Variants in ADAP2 observed in about 807,000 individuals in gnomAD.
The protein encoded by ADAP2 is arf-GAP with dual PH domain-containing protein 2.
A neutral mutation model predicts 54.9 loss-of-function variants in ADAP2; 42 were observed. That is an observed-to-expected ratio of 0.77 (90% CI 0.60 to 0.99). The LOEUF is 0.99. Among genes scored for constraint, ADAP2 ranks in the 50% least tolerant of loss-of-function variants. ADAP2 has a pLI of 0.00. For synonymous variants in ADAP2, 177 were observed against 180.1 expected (o/e 0.98, Z 0.14); for missense variants, 429 against 480.4 (o/e 0.89, Z 1.00).
chr17:30,943,848 A>AAAATAAAT (rs55789959), intron 5 of ADAP2, among the ~76,000 whole-genome samples: 18 of 136,866 alleles, frequency 1.3e-4, no homozygotes, highest in East Asian at 4.2e-4. Context: ...CTCTATCTCA[A>AAAATAAAT]AAATAAATAA....
chr17:30,949,766 A>AAAG (rs1555569449), intron 7 of ADAP2, among the ~76,000 whole-genome samples: 18 of 151,492 alleles, frequency 1.2e-4, no homozygotes, highest in African/African-American at 4.4e-4. Context: ...AAAAAAAAAA[A>AAAG]AAAGAAGAAG....
Position 30,951,271 on chromosome 17 carries a change from C to T in ADAP2, c.741+1901C>T, listed in dbSNP as rs147666558. ...TTCTAGGGCTATTGTGAGACTCCAGCGAGCCAAGGCATCAGAAGTACAGGA... is the reference window on the plus strand; with the variant it reads ...TTCTAGGGCTATTGTGAGACTCCAGTGAGCCAAGGCATCAGAAGTACAGGA... On this transcript the variant is annotated intron_variant, in intron 7 of 10. Transcript: ENST00000330889. Among the ~76,000 whole-genome samples, 8 of 152,226 alleles carry T rather than the reference C, an allele frequency of 5.3e-5. No homozygotes were observed. In the East Asian group the frequency reaches 5.8e-4, roughly 11 times the overall value.
At chr17:30,929,338 T>C (rs1911307891) in intron 3 of ADAP2, among the ~76,000 whole-genome samples, 1 of 152,232 alleles carries the variant, frequency 6.6e-6, no homozygotes, top group Admixed American at 6.5e-5. Flanking sequence ...GAATGCTACC[T>C]GTCCATGGCC....
chr17:30,942,765 A>T (rs1005402411), intron 5 of ADAP2, among the ~76,000 whole-genome samples: 1 of 152,242 alleles, frequency 6.6e-6, no homozygotes, highest in African/African-American at 2.4e-5. Context: ...CACTTCTCAA[A>T]GAAGACATAC....
chr17:30,948,501 C>T (rs1174941442), intron 6 of ADAP2, among the ~76,000 whole-genome samples: 1 of 151,876 alleles, frequency 6.6e-6, no homozygotes, highest in Non-Finnish European at 1.5e-5. Flanking sequence ...ACCCAGAAGG[C>T]GGAGGTTGCA....
chr17:30,925,828 C>T lies in ADAP2; in HGVS notation c.226-999C>T, dbSNP rs149213610. ...AGGCTTGAGGGCAGTGGCAAAATCT[C>T]GGCTCACTGCAACCTCTGCCTCCCG... On this transcript the variant is annotated intron_variant, in intron 2 of 10. Coordinates refer to ENST00000330889, the MANE Select transcript of ADAP2 (RefSeq NM_018404.3). Among the ~76,000 whole-genome samples the T allele has an allele frequency of 2.2e-3, 333 of 152,072 alleles. 1 individual carries two copies. The highest frequency in any genetic ancestry group is 4.0e-3 in the Non-Finnish European group (274 of 67,972).
intron 7 of ADAP2, among the ~76,000 whole-genome samples, chr17:30,952,039 G>A (rs988039661): frequency 6.6e-6 from 1 of 152,124 alleles, no homozygotes; most frequent in Non-Finnish European, 1.5e-5. Flanking sequence ...CTGTGCCTCT[G>A]CCCTGGGCCC....
At chr17:30,950,955 A>G (rs1312515793) in intron 7 of ADAP2, among the ~76,000 whole-genome samples, 4 of 152,178 alleles carry the variant, frequency 2.6e-5, no homozygotes, top group Admixed American at 2.0e-4. Flanking sequence ...AACATCCTCA[A>G]TGTTCCCCTG....
At chr17:30,931,810 C>G in intron 3 of ADAP2, 79 bp from the exon 4 acceptor site, 1 of 1,085,362 alleles carries the variant, frequency 9.2e-7, no homozygotes, top group Non-Finnish European at 1.4e-6. Context: ...GCCTGGGCAA[C>G]AGAGGGAGAC....
intron 2 of ADAP2, among the ~76,000 whole-genome samples, chr17:30,923,950 C>G (rs562294649): frequency 6.6e-6 from 1 of 151,990 alleles, no homozygotes; most frequent in Non-Finnish European, 1.5e-5. Flanking sequence ...GTAATCCACC[C>G]TCCTCGGCCT....
intron 5 of ADAP2, among the ~76,000 whole-genome samples, chr17:30,940,547 C>T (rs1398448218): frequency 2.0e-5 from 3 of 152,082 alleles, no homozygotes; most frequent in African/African-American, 4.8e-5. Flanking sequence ...TCAAGTGATT[C>T]GCCCGCCTTG....
At chr17:30,941,341 A>G (rs1239614253) in intron 5 of ADAP2, among the ~76,000 whole-genome samples, 1 of 152,250 alleles carries the variant, frequency 6.6e-6, no homozygotes, top group Non-Finnish European at 1.5e-5. Flanking sequence ...GCCATCTTCA[A>G]CATCATCTTG....
At chr17:30,943,082 T>C (rs1049042762) in intron 5 of ADAP2, among the ~76,000 whole-genome samples, 1 of 152,222 alleles carries the variant, frequency 6.6e-6, no homozygotes, top group Non-Finnish European at 1.5e-5. Flanking sequence ...AATTCTACTA[T>C]AGGCCGGATG....
rs1375940396 is a variant in ADAP2, at chr17:30,958,114, A to C, written c.*245A>C. 5 of 528,078 alleles carry C rather than the reference A, an allele frequency of 9.5e-6. No individual in the cohort carries two copies. The African/African-American group carries it at 9.6e-5, about 10-fold the overall frequency. 32.7% of individuals were successfully genotyped at this position (528,078 alleles called of 1,614,324 possible). A position where few individuals can be genotyped will look rare whatever the true frequency, so the allele number is the denominator to read the frequency against. ...ATCTATCCCCTCCTCCCCCATACAC[A>C]CCTAGGCTTGAAATGCCCTACAGGC... On this transcript the variant is annotated 3_prime_UTR_variant, in exon 11 of 11. Transcript: ENST00000330889.
At position 30,949,314 on chromosome 17, in the gene ADAP2, C is replaced by T. The variant is rs779427042; in HGVS notation, c.685C>T (p.Arg229Cys). 6.8e-6 allele frequency: 11 copies of T among 1,614,162 alleles called. No individual in the cohort carries two copies. The highest frequency in any genetic ancestry group is 6.7e-5 in the East Asian group (3 of 44,878). ...GATAGTGGACTGGTTCAATGCCCTC[C>T]GTGCAGCCCGTCTGCAGTACCTAAA... ...KEIVDWFNAL[R>C]AARLQYLKMA... The change falls in exon 7 of 11, where the codon CGT (arginine) becomes TGT (cysteine). Residue 229 changes from arginine to cysteine, a missense_variant. Coordinates refer to ENST00000330889, the MANE Select transcript of ADAP2 (RefSeq NM_018404.3).
intron 9 of ADAP2, 104 bp from the exon 10 acceptor site, chr17:30,956,137 G>C: frequency 2.2e-6 from 2 of 923,368 alleles, no homozygotes; most frequent in South Asian, 1.6e-5. Flanking sequence ...TCCCAGCAGG[G>C]ACCTCATACC....
intron 5 of ADAP2, among the ~76,000 whole-genome samples, 167 bp from the exon 6 acceptor site, chr17:30,944,740 G>A (rs781618392): frequency 3.9e-5 from 6 of 152,090 alleles, no homozygotes; most frequent in African/African-American, 1.4e-4. Flanking sequence ...GATTACAGGC[G>A]TAAGCCACTG....
intron 8 of ADAP2, chr17:30,954,241 G>A: frequency 2.4e-6 from 1 of 411,302 alleles, no homozygotes. Flanking sequence ...AGTTGAGGCA[G>A]CAGGGTGAAG....
chr17:30,956,647 C>G, intron 10 of ADAP2, 178 bp downstream of exon 10: 3 of 680,720 alleles, frequency 4.4e-6, no homozygotes, highest in South Asian at 3.8e-5. Flanking sequence ...GCCAAAAGGT[C>G]TCCTCTGTCC....
Sources: allele counts gnomAD v4.1 joint callset (sites outside exome capture counted in the v4.1 genomes callset), GRCh38; gene constraint gnomAD v4.1.1; transcripts MANE v1.5; gene names NCBI Gene and HGNC (gene_info 2026-07-23, HGNC 2026-07-21).